PHF20: variants seen among roughly 807,000 people sequenced by gnomAD.
The protein encoded by PHF20 is PHD finger protein 20, also known as glioma-expressed antigen 2.
A neutral mutation model predicts 113.5 loss-of-function variants in PHF20; 23 were observed. The observed-to-expected ratio is 0.20, with a 90% CI of 0.15 to 0.29. The LOEUF (loss-of-function observed/expected upper bound fraction) is 0.29, where lower values mean the gene tolerates loss of function less well. PHF20 is among the 10% of genes least tolerant of loss of function. PHF20 has a pLI of 1.00. For synonymous variants in PHF20, 434 were observed against 457.3 expected (o/e 0.95, Z 0.65); for missense variants, 943 against 1,219.6 (o/e 0.77, Z 3.38).
chr20:35,929,519 T>C (rs1196784692), intron 14 of PHF20, among the ~76,000 whole-genome samples: 1 of 152,282 alleles, frequency 6.6e-6, no homozygotes, highest in Non-Finnish European at 1.5e-5. Flanking sequence ...CTTTGCCTTG[T>C]AAAACAGGTA....
At chr20:35,809,071 G>A (rs2041933023) in intron 2 of PHF20, among the ~76,000 whole-genome samples, 2 of 151,154 alleles carry the variant, frequency 1.3e-5, no homozygotes, top group African/African-American at 2.4e-5. Context: ...GTGAAACCCC[G>A]TCTCTACTAA....
intron 14 of PHF20, among the ~76,000 whole-genome samples, chr20:35,930,640 C>G (rs750929487): frequency 2.0e-5 from 3 of 152,190 alleles, no homozygotes; most frequent in Non-Finnish European, 4.4e-5. Context: ...TGCCACTGCA[C>G]TGTAGCCTGG....
intron 5 of PHF20, among the ~76,000 whole-genome samples, chr20:35,860,899 A>C (rs2054207353): frequency 6.6e-6 from 1 of 152,128 alleles, no homozygotes. Flanking sequence ...ATACTCAGTA[A>C]ATTGATGGAT....
At chr20:35,854,049 C>T (rs762912376) in intron 4 of PHF20, among the ~76,000 whole-genome samples, 4 of 152,038 alleles carry the variant, frequency 2.6e-5, no homozygotes, top group African/African-American at 4.8e-5. Flanking sequence ...CCACCATGCC[C>T]GGCCGATGAA....
intron 2 of PHF20, among the ~76,000 whole-genome samples, chr20:35,814,488 A>T (rs1600770807): frequency 6.6e-6 from 1 of 150,662 alleles, no homozygotes; most frequent in East Asian, 2.0e-4. Flanking sequence ...CGGTGCTGGG[A>T]TTACAGGCGT....
intron 9 of PHF20, among the ~76,000 whole-genome samples, chr20:35,886,258 C>A (rs866967988): frequency 6.6e-6 from 1 of 151,772 alleles, no homozygotes; most frequent in Non-Finnish European, 1.5e-5. Context: ...CCTGCCTCAG[C>A]CTCCCAAATA....
chr20:35,827,370 A>G lies in PHF20; in HGVS notation c.84-15203A>G, dbSNP rs145218802. On this transcript the variant is annotated intron_variant, in intron 2 of 17. Coordinates refer to ENST00000374012, the MANE Select transcript of PHF20 (RefSeq NM_016436.5). ...GTCTGAATGCTTAACCTCTGGGGGAAAGTTAAGTCAAATTCTGGGCTAGCC... is the reference window on the plus strand; with the variant it reads ...GTCTGAATGCTTAACCTCTGGGGGAGAGTTAAGTCAAATTCTGGGCTAGCC... 7.5e-3 allele frequency among the ~76,000 whole-genome samples: 1,148 copies of G among 152,334 alleles called. 23 individuals are homozygous for G. Among genetic ancestry groups the G allele is most frequent in the East Asian group, 0.054 (282 of 5,184 alleles).
rs561220185 is a variant in PHF20 at position 35,834,114 on chromosome 20, T to C, written c.84-8459T>C. ...GGCGGGAGGGTTTATTCAAGTGCTT[T>C]AGAAGGGGGCAGGGAAGAGCAGCAG... On this transcript the variant is annotated intron_variant, in intron 2 of 17. Coordinates refer to ENST00000374012, the MANE Select transcript of PHF20 (RefSeq NM_016436.5). 1.1e-4 allele frequency among the ~76,000 whole-genome samples: 17 copies of C among 151,974 alleles called. No individual in the cohort carries two copies. In the East Asian group the frequency reaches 3.3e-3, roughly 29 times the overall value.
chr20:35,940,733 A>G, intron 16 of PHF20, 131 bp from the exon 17 acceptor site: 1 of 778,072 alleles, frequency 1.3e-6, no homozygotes. Flanking sequence ...AGTGGGAAAT[A>G]GGAAAGGGAG....
intron 16 of PHF20, among the ~76,000 whole-genome samples, chr20:35,939,355 C>T (rs565818530): frequency 4.0e-5 from 6 of 150,928 alleles, no homozygotes; most frequent in Non-Finnish European, 3.0e-5. Context: ...GTGGGGGGCG[C>T]GGGTGCAGAG....
intron 13 of PHF20, among the ~76,000 whole-genome samples, chr20:35,921,074 G>A (rs1292611623): frequency 2.0e-5 from 3 of 152,204 alleles, no homozygotes; most frequent in Non-Finnish European, 4.4e-5. Context: ...CTGACTTGGA[G>A]CACTTCAGTG....
intron 12 of PHF20, among the ~76,000 whole-genome samples, chr20:35,914,899 G>A (rs1256696471): frequency 6.7e-6 from 1 of 150,314 alleles, no homozygotes; most frequent in Admixed American, 6.7e-5. Flanking sequence ...GGGAGGCAGA[G>A]GTTGCAGCGA....
In PHF20 at chr20:35,863,297, C is replaced by T. The variant is rs774047531; in HGVS notation, c.705C>T (p.Ala235=). The T allele has an allele frequency of 6.2e-7, 1 of 1,613,994 alleles. No individual in the cohort carries two copies. Among genetic ancestry groups the T allele is most frequent in the Admixed American group, 1.7e-5 (1 of 59,994 alleles). The change falls in exon 6 of 18, where the codon GCC becomes GCT. Residue 235 remains alanine (A), a synonymous_variant. Transcript: ENST00000374012. ...ATGACAGAGAGTATTCTGGAGATGC[C>T]CAAGTGGATAAGAAACCTGAAAATG... ...SENDREYSGD[A]QVDKKPENDI...
At chr20:35,817,114 T>C (rs189787582) in intron 2 of PHF20, among the ~76,000 whole-genome samples, 1 of 151,616 alleles carries the variant, frequency 6.6e-6, no homozygotes, top group Non-Finnish European at 1.5e-5. Context: ...TGTTTTTTTT[T>C]AATCTGTTAT....
At chr20:35,869,285 C>G (rs1039341925) in intron 6 of PHF20, among the ~76,000 whole-genome samples, 153 bp from the exon 7 acceptor site, 3 of 151,888 alleles carry the variant, frequency 2.0e-5, no homozygotes, top group Non-Finnish European at 4.4e-5. Flanking sequence ...TACTTTTTTT[C>G]TTTTATCTTA....
chr20:35,922,832 A>G (rs1341994878), intron 13 of PHF20, among the ~76,000 whole-genome samples: 2 of 152,184 alleles, frequency 1.3e-5, no homozygotes, highest in Non-Finnish European at 2.9e-5. Flanking sequence ...TTTCACCTGT[A>G]TGGTTGGCTG....
chr20:35,809,551 C>A (rs1164423528), intron 2 of PHF20, among the ~76,000 whole-genome samples: 2 of 149,084 alleles, frequency 1.3e-5, no homozygotes, highest in Admixed American at 1.3e-4. Context: ...TACACTTCAG[C>A]CTGGGTGACA....
chr20:35,946,780 G>A (rs1368318899), intron 17 of PHF20, among the ~76,000 whole-genome samples: 4 of 151,592 alleles, frequency 2.6e-5, no homozygotes, highest in African/African-American at 9.7e-5. Flanking sequence ...CACGATCTCG[G>A]CTCACTGCGA....
intron 10 of PHF20, among the ~76,000 whole-genome samples, chr20:35,903,340 C>CT (rs1202240974): frequency 1.3e-5 from 2 of 152,052 alleles, no homozygotes; most frequent in African/African-American, 4.8e-5. Context: ...AATCCCTATG[C>CT]TTTAACTTGT....
Sources: allele counts gnomAD v4.1 joint callset (sites outside exome capture counted in the v4.1 genomes callset), GRCh38; gene constraint gnomAD v4.1.1; transcripts MANE v1.5; gene names NCBI Gene and HGNC (gene_info 2026-07-23, HGNC 2026-07-21).